Variants in GAS7 observed in about 807,000 individuals in gnomAD.
GAS7 encodes growth arrest specific 7, also known as growth arrest-specific protein 7.
GAS7 carries 28 observed loss-of-function variants against 71.1 expected under a neutral mutation model. The observed-to-expected ratio is 0.39, with a 90% CI of 0.29 to 0.54. The LOEUF (loss-of-function observed/expected upper bound fraction) is 0.54. Among genes scored for constraint, GAS7 ranks in the 20% least tolerant of loss-of-function variants. GAS7 has a pLI of 0.62. For missense variants in GAS7, 436 were observed against 627.8 expected (o/e 0.69, Z 3.27); for synonymous variants, 258 against 245.8 (o/e 1.05, Z -0.46).
chr17:9,970,499 G>T (rs2069917222), intron 3 of GAS7, among the ~76,000 whole-genome samples: 1 of 152,062 alleles, frequency 6.6e-6, no homozygotes, highest in African/African-American at 2.4e-5. Flanking sequence ...AGGCGTGGTG[G>T]CAGGCACCTG....
chr17:10,106,149 A>G (rs553925983), intron 1 of GAS7, among the ~76,000 whole-genome samples: 13 of 152,240 alleles, frequency 8.5e-5, no homozygotes, highest in African/African-American at 3.1e-4. Context: ...CTGGTCCCAA[A>G]TAGCCTCCAC....
At chr17:10,075,465 T>C (rs931754152) in intron 1 of GAS7, among the ~76,000 whole-genome samples, 2 of 152,080 alleles carry the variant, frequency 1.3e-5, no homozygotes, top group Non-Finnish European at 2.9e-5. Context: ...ACCATCATGG[T>C]TTCCTTTCTG....
Position 10,034,132 on chromosome 17 carries a change from G to A in GAS7, c.184-14235C>T, listed in dbSNP as rs17208380. 2.7e-3 allele frequency: 2,622 copies of A among 985,146 alleles called. 78 individuals carry two copies. In the East Asian group the frequency reaches 0.12, roughly 44 times the overall value. The allele number at this position is 985,146 out of a possible 1,614,324, so 61.0% of individuals were successfully genotyped here. ...CTACCACTGCTCTGTGCCACCGTGC[G>A]AAGAACACAGGATGGGAATCGGAGC... is the stretch of plus-strand genomic sequence containing the variant. On this transcript the variant is annotated intron_variant, in intron 1 of 13. Coordinates refer to ENST00000432992, the MANE Select transcript of GAS7 (RefSeq NM_201433.2). This position sits in a 1 kb window ranked among gnomAD's most constrained non-coding sequence, Gnocchi z 4.4.
chr17:9,913,287 C>T lies in GAS7; in HGVS notation c.*3941G>A. 1 of 232,760 alleles carries T rather than the reference C, an allele frequency of 4.3e-6. No homozygotes were observed. Among genetic ancestry groups the T allele is most frequent in the Non-Finnish European group, 8.5e-6 (1 of 117,578 alleles). The allele number at this position is 232,760 out of a possible 1,614,324, so 14.4% of individuals were successfully genotyped here. On this transcript the variant is annotated 3_prime_UTR_variant, in exon 14 of 14. Coordinates refer to ENST00000432992, the MANE Select transcript of GAS7 (RefSeq NM_201433.2). Reference sequence around the variant, plus strand: ...CGTGGGGGGGCAGCTGATCTGTACCCCACTTAACATTAGAAGTGCTCTCTC... The same window carrying T: ...CGTGGGGGGGCAGCTGATCTGTACCTCACTTAACATTAGAAGTGCTCTCTC...
At chr17:10,027,748 T>C (rs190700779) in intron 1 of GAS7, among the ~76,000 whole-genome samples, 32 of 152,320 alleles carry the variant, frequency 2.1e-4, no homozygotes, top group Admixed American at 3.3e-4. Context: ...AGTCCTGTTC[T>C]TGAGCTAGGC....
chr17:10,145,545 C>T (rs1002531016), intron 1 of GAS7, among the ~76,000 whole-genome samples: 5 of 152,238 alleles, frequency 3.3e-5, no homozygotes, highest in African/African-American at 9.6e-5. Context: ...TGAGGATAAA[C>T]AGCACTCAGG....
chr17:9,968,293 C>G (rs1488687892), intron 4 of GAS7, among the ~76,000 whole-genome samples: 1 of 152,234 alleles, frequency 6.6e-6, no homozygotes, highest in Non-Finnish European at 1.5e-5. Context: ...CTGTGTGCTA[C>G]TGACTGCTAG....
In GAS7 at chr17:9,946,529, G is replaced by A. The variant is rs201111217; in HGVS notation, c.615+365C>T. Among the ~76,000 whole-genome samples the A allele has an allele frequency of 2.9e-4, 44 of 152,296 alleles. No homozygotes were observed. In the East Asian group the frequency reaches 8.1e-3, roughly 28 times the overall value. On this transcript the variant is annotated intron_variant, in intron 6 of 13. Transcript: ENST00000432992. ...GAACACTGAGGCCCAAGGAGGTGAAGCACTTGTCCAACGTCACTCACGTAA... is the reference window on the plus strand; with the variant it reads ...GAACACTGAGGCCCAAGGAGGTGAAACACTTGTCCAACGTCACTCACGTAA...
At chr17:10,195,272 C>G (rs180798735) in intron 1 of GAS7, among the ~76,000 whole-genome samples, 273 of 152,296 alleles carry the variant, frequency 1.8e-3, no homozygotes, top group Admixed American at 3.5e-3. Context: ...TCTGGTGACT[C>G]TCTTGGAGTT....
At chr17:10,040,830 T>C (rs750109117) in intron 1 of GAS7, among the ~76,000 whole-genome samples, 2 of 152,112 alleles carry the variant, frequency 1.3e-5, no homozygotes, top group African/African-American at 2.4e-5. Context: ...AGGACCAAGA[T>C]ACTTTTCTGT....
chr17:10,044,977 T>C (rs1028482467), intron 1 of GAS7, among the ~76,000 whole-genome samples: 2 of 149,126 alleles, frequency 1.3e-5, no homozygotes, highest in Non-Finnish European at 3.0e-5. Flanking sequence ...TCACTTCATC[T>C]TGGCAGTGAG....
intron 1 of GAS7, among the ~76,000 whole-genome samples, chr17:10,185,761 A>G (rs1425654532): frequency 6.6e-6 from 1 of 152,148 alleles, no homozygotes; most frequent in African/African-American, 2.4e-5. Context: ...CAATAGAAAT[A>G]TAAGAGGTTC....
chr17:10,162,937 A>G (rs1447163373), intron 1 of GAS7, among the ~76,000 whole-genome samples: 1 of 152,174 alleles, frequency 6.6e-6, no homozygotes, highest in African/African-American at 2.4e-5. Context: ...AAGGCTGTAC[A>G]ACAATGTGAT....
intron 1 of GAS7, among the ~76,000 whole-genome samples, chr17:10,055,763 C>T (rs1000207520): frequency 6.6e-6 from 1 of 152,222 alleles, no homozygotes; most frequent in Non-Finnish European, 1.5e-5. Context: ...ACAATGCTTG[C>T]CCTTGCCACA....
chr17:10,003,096 C>T (rs1597657191), intron 2 of GAS7, among the ~76,000 whole-genome samples: 1 of 152,204 alleles, frequency 6.6e-6, no homozygotes, highest in South Asian at 2.1e-4. Context: ...TGGGACACAA[C>T]TCAACCCGTA....
chr17:10,191,780 C>T (rs2074503548), intron 1 of GAS7, among the ~76,000 whole-genome samples: 1 of 146,814 alleles, frequency 6.8e-6, no homozygotes, highest in Non-Finnish European at 1.5e-5. Flanking sequence ...GAGGCTGAGG[C>T]AGGAGAATCA....
At chr17:10,035,467 T>C (rs1304911397) in intron 1 of GAS7, among the ~76,000 whole-genome samples, 1 of 152,160 alleles carries the variant, frequency 6.6e-6, no homozygotes, top group African/African-American at 2.4e-5. Context: ...CTAGGTCAAC[T>C]AACCCGTTAG....
chr17:10,188,742 G>A (rs535375739), intron 1 of GAS7, among the ~76,000 whole-genome samples: 20 of 152,214 alleles, frequency 1.3e-4, no homozygotes, highest in African/African-American at 4.8e-4. Flanking sequence ...GGGTTCAAGC[G>A]ATCCTCCCAC....
intron 4 of GAS7, among the ~76,000 whole-genome samples, chr17:9,963,228 G>T (rs1428852488): frequency 6.6e-6 from 1 of 152,090 alleles, no homozygotes; most frequent in African/African-American, 2.4e-5. Flanking sequence ...AGACACAAAA[G>T]ACCACAGATA....
Sources: gnomAD v4.1 joint callset for allele counts (sites outside exome capture counted in the v4.1 genomes callset) on GRCh38, gnomAD v4.1.1 for gene constraint, Gnocchi (gnomAD v3.1) non-coding constraint, MANE v1.5 for transcripts, NCBI Gene and HGNC (gene_info 2026-07-23, HGNC 2026-07-21) for gene names.